BDH1: variants seen among roughly 807,000 people sequenced by gnomAD.
BDH1 encodes D-beta-hydroxybutyrate dehydrogenase, mitochondrial.
Under a neutral mutation model 33.1 loss-of-function variants are expected in BDH1, and 30 were observed. That is an observed-to-expected ratio of 0.91 (90% confidence interval 0.68 to 1.23). The LOEUF (loss-of-function observed/expected upper bound fraction) is 1.23. Ranked by LOEUF, BDH1 falls within the 50% of genes most tolerant of loss-of-function variation. BDH1 has a pLI of 0.00. For missense variants in BDH1, 443 were observed against 464.4 expected (o/e 0.95, Z 0.42); for synonymous variants, 190 against 183.6 (o/e 1.03, Z -0.28).
chr3:197,570,294 G>A (rs1251739251), intron 1 of BDH1, among the ~76,000 whole-genome samples: 2 of 152,190 alleles, frequency 1.3e-5, no homozygotes, highest in Non-Finnish European at 2.9e-5. Flanking sequence ...TAAAAGTTTG[G>A]AAAATTTGCA....
Position 197,510,567 on chromosome 3 carries a change from A to G in BDH1, c.*1328T>C, listed in dbSNP as rs1446263912. Reference sequence around the variant, plus strand: ...GAAAAGAGGCCGAGGCGAGGCGGGAATGAAGGCCACGCTGAAGCCCTGCAG... The same window carrying G: ...GAAAAGAGGCCGAGGCGAGGCGGGAGTGAAGGCCACGCTGAAGCCCTGCAG... On this transcript the variant is annotated 3_prime_UTR_variant, in exon 8 of 8. Coordinates refer to ENST00000392379, the MANE Select transcript of BDH1 (RefSeq NM_203314.3). 2 of 141,270 alleles carry G rather than the reference A, an allele frequency of 1.4e-5. No individual in the cohort carries two copies. Among genetic ancestry groups the G allele is most frequent in the Non-Finnish European group, 3.0e-5 (2 of 66,600 alleles). The allele number at this position is 141,270 out of a possible 1,614,324, so 8.8% of individuals were successfully genotyped here.
chr3:197,519,335 GGCAGGT>G, intron 6 of BDH1, among the ~76,000 whole-genome samples: 1 of 152,158 alleles, frequency 6.6e-6, no homozygotes, highest in African/African-American at 2.4e-5. Flanking sequence ...CCACACAGGG[GGCAGGT>G]GCAAGCCCAA....
intron 6 of BDH1, chr3:197,515,645 T>A (rs1712625304): frequency 2.0e-6 from 2 of 985,354 alleles, no homozygotes; most frequent in Non-Finnish European, 2.4e-6. Flanking sequence ...GATGAATGAG[T>A]GTCCACAAAT....
chr3:197,547,437 C>T (rs1369436740), intron 2 of BDH1, among the ~76,000 whole-genome samples: 2 of 152,258 alleles, frequency 1.3e-5, no homozygotes, highest in African/African-American at 4.8e-5. Flanking sequence ...GATAACCAGC[C>T]ACCTGGGCCC....
rs767399191 is a variant in BDH1 at position 197,522,624 on chromosome 3, C to T, written c.409+16G>A. ...GGCCCCATACACAACCCCTGCCGTC[C>T]GAAGGGGCGCCCTACCTTTCTCAGG... On this transcript the variant is annotated intron_variant, in intron 6 of 7. Coordinates refer to ENST00000392379, the MANE Select transcript of BDH1 (RefSeq NM_203314.3). This position sits in a 1 kb window ranked among gnomAD's most constrained non-coding sequence, Gnocchi z 4.8. 17 of 1,613,592 alleles carry T rather than the reference C, an allele frequency of 1.1e-5. No individual in the cohort carries two copies. Among genetic ancestry groups the T allele is most frequent in the African/African-American group, 1.3e-5 (1 of 74,918 alleles).
chr3:197,546,532 C>A (rs997220124), intron 2 of BDH1, 46 bp from the exon 3 acceptor site: 7 of 1,336,432 alleles, frequency 5.2e-6, no homozygotes, highest in Non-Finnish European at 7.5e-6. Flanking sequence ...GCCTTCCGGG[C>A]TTTAATCAGG....
At position 197,562,337 on chromosome 3, in the gene BDH1, TTGTC is replaced by T. The variant is rs1399556721; in HGVS notation, c.-44+10840_-44+10843del. 2.3e-4 allele frequency among the ~76,000 whole-genome samples: 35 copies of T among 152,342 alleles called. No homozygotes were observed. The East Asian group carries it at 6.2e-3, about 27-fold the overall frequency. On this transcript the variant is annotated intron_variant, in intron 1 of 6. Transcript: ENST00000358186. ...CTCCCATAATTAATCTCAATTGTGT[TTGTC>T]TGTGTGCATTTGTCTGAGGAACTGA...
rs1713987379 is a variant in BDH1, at chr3:197,525,379, C to T, written c.268-2598G>A. The stretch of plus-strand genomic sequence containing the variant: ...GGGACTTGGTTAACCCTGTTGCTAT[C>T]ATTCAGCTCTTCTCAGACCCCTATA... On this transcript the variant is annotated intron_variant, in intron 5 of 7. Transcript: ENST00000392379. This position sits in a 1 kb window ranked among gnomAD's most constrained non-coding sequence, Gnocchi z 4.9. Among the ~76,000 whole-genome samples the T allele has an allele frequency of 6.6e-6, 1 of 152,204 alleles. No homozygotes were observed. The highest frequency in any genetic ancestry group is 1.5e-5 in the Non-Finnish European group (1 of 68,044).
At chr3:197,527,136 T>C (rs906704153) in intron 5 of BDH1, among the ~76,000 whole-genome samples, 1 of 152,256 alleles carries the variant, frequency 6.6e-6, no homozygotes, top group Non-Finnish European at 1.5e-5. Context: ...ACACATGTTA[T>C]ACGTCAGCAT....
upstream of BDH1, among the ~76,000 whole-genome samples, chr3:197,558,568 A>G (rs1040299459): frequency 2.0e-5 from 3 of 152,098 alleles, no homozygotes; most frequent in African/African-American, 7.2e-5. Context: ...GGATTTTGTT[A>G]TGTAGCTTTA....
intron 3 of BDH1, chr3:197,543,223 A>C: frequency 1.0e-6 from 1 of 973,660 alleles, no homozygotes; most frequent in Non-Finnish European, 1.2e-6. Flanking sequence ...GCTCGGGAGA[A>C]ATATGGCCTC....
At chr3:197,515,537 G>A in intron 6 of BDH1, 1 of 985,542 alleles carries the variant, frequency 1.0e-6, no homozygotes, top group Non-Finnish European at 1.2e-6. Flanking sequence ...CATAGCCACT[G>A]ATCCTTCTCT....
chr3:197,552,608 C>A (rs1449418292), intron 2 of BDH1, among the ~76,000 whole-genome samples: 3 of 152,134 alleles, frequency 2.0e-5, no homozygotes, highest in African/African-American at 7.2e-5. Context: ...CCTTACTGTT[C>A]CCTCTACCTA....
chr3:197,525,520 C>T lies in BDH1; in HGVS notation c.268-2739G>A, dbSNP rs1276612994. Among the ~76,000 whole-genome samples, 1 of 152,224 alleles carries T rather than the reference C, an allele frequency of 6.6e-6. No homozygotes were observed. The highest frequency in any genetic ancestry group is 2.4e-5 in the African/African-American group (1 of 41,460). ...ATTTGGCAGTTTGACAGTGAAGAGTCTTCTTTCAGAGGAAACTAGGGGATT... is the reference window on the plus strand; with the variant it reads ...ATTTGGCAGTTTGACAGTGAAGAGTTTTCTTTCAGAGGAAACTAGGGGATT... On this transcript the variant is annotated intron_variant, in intron 5 of 7. Coordinates refer to ENST00000392379, the MANE Select transcript of BDH1 (RefSeq NM_203314.3). The surrounding 1 kb of genome is among the most constrained non-coding windows in gnomAD (Gnocchi z 4.9).
intron 2 of BDH1, among the ~76,000 whole-genome samples, chr3:197,547,776 C>T (rs140872609): frequency 4.6e-5 from 7 of 152,216 alleles, no homozygotes; most frequent in East Asian, 1.9e-4. Flanking sequence ...TTGCTCACTG[C>T]GTCGCAGCCA....
intron 3 of BDH1, among the ~76,000 whole-genome samples, chr3:197,536,079 ACTT>A (rs1328146844): frequency 6.6e-6 from 1 of 151,920 alleles, no homozygotes; most frequent in Non-Finnish European, 1.5e-5. Flanking sequence ...TTTATGTTTT[ACTT>A]CTTAAGTCTA....
At chr3:197,533,355 G>A (rs1181602303) in intron 4 of BDH1, 134 bp downstream of exon 4, 7 of 876,406 alleles carry the variant, frequency 8.0e-6, no homozygotes, top group South Asian at 3.1e-5. Flanking sequence ...TTGGGGGAGG[G>A]TTAAGTGAGA....
At chr3:197,555,363 C>A (rs1580005007) in intron 1 of BDH1, 1 of 152,404 alleles carries the variant, frequency 6.6e-6, no homozygotes, top group South Asian at 2.1e-4. Context: ...CTGGGCTCGG[C>A]CTTTGACTAC....
At position 197,554,951 on chromosome 3, in the gene BDH1, C is replaced by T. The variant is rs928494394; in HGVS notation, c.-195-238G>A. On this transcript the variant is annotated intron_variant, in intron 1 of 7. Coordinates refer to ENST00000392379, the MANE Select transcript of BDH1 (RefSeq NM_203314.3). This position sits in a 1 kb window ranked among gnomAD's most constrained non-coding sequence, Gnocchi z 4.4. Reference sequence around the variant, plus strand: ...GCAGCCAATCCCAGAGCAGCGCTCCCCAACGGCCGGCCGGAGGGCGGGGAG... The same window carrying T: ...GCAGCCAATCCCAGAGCAGCGCTCCTCAACGGCCGGCCGGAGGGCGGGGAG... 3.3e-5 allele frequency among the ~76,000 whole-genome samples: 5 copies of T among 152,366 alleles called. No homozygotes were observed. Among genetic ancestry groups the T allele is most frequent in the Admixed American group, 2.6e-4 (4 of 15,310 alleles).
Sources: gnomAD v4.1 joint callset for allele counts (sites outside exome capture counted in the v4.1 genomes callset) on GRCh38, gnomAD v4.1.1 for gene constraint, Gnocchi (gnomAD v3.1) non-coding constraint, MANE v1.5 for transcripts, NCBI Gene and HGNC (gene_info 2026-07-23, HGNC 2026-07-21) for gene names.